Variants in AMMECR1 observed in about 807,000 individuals in gnomAD.
AMMECR1 encodes AMMECR nuclear protein 1, also known as nuclear protein AMMECR1.
In AMMECR1, 3 loss-of-function variants were observed where a neutral mutation model predicts 22.5. That is an observed-to-expected ratio of 0.13 (90% confidence interval 0.06 to 0.35). The LOEUF is 0.35. AMMECR1 is among the 10% of genes least tolerant of loss of function. AMMECR1 has a pLI of 1.00. For missense variants in AMMECR1, 235 were observed against 278.7 expected (o/e 0.84, Z 1.12); for synonymous variants, 130 against 116.7 (o/e 1.11, Z -0.74).
At chrX:110,422,581 G>T (rs1180474215) in intron 2 of AMMECR1, among the ~76,000 whole-genome samples, 2 of 112,567 alleles carry the variant, frequency 1.8e-5, no homozygotes, top group African/African-American at 6.5e-5. Flanking sequence ...ACACAAAGTG[G>T]TTTTCACATC....
At chrX:110,249,814 C>T (rs979201184) in intron 2 of AMMECR1, among the ~76,000 whole-genome samples, 1 of 111,385 alleles carries the variant, frequency 9.0e-6, no homozygotes, top group African/African-American at 3.3e-5. Context: ...GCGGAAGAAT[C>T]GCTTGAACCT....
chrX:110,245,301 T>C (rs745976557), intron 2 of AMMECR1, among the ~76,000 whole-genome samples: 5 of 112,383 alleles, frequency 4.4e-5, no homozygotes, highest in African/African-American at 1.6e-4. Context: ...ATGTCCTGCA[T>C]TCACAACTCT....
At chrX:110,204,773 T>A (rs941013518) in intron 3 of AMMECR1, among the ~76,000 whole-genome samples, 1 of 111,829 alleles carries the variant, frequency 8.9e-6, no homozygotes, top group Non-Finnish European at 1.9e-5. Flanking sequence ...AAGCTGTGTG[T>A]GTATGGATAC....
chrX:110,332,667 G>A, intron 2 of AMMECR1, among the ~76,000 whole-genome samples: 1 of 111,490 alleles, frequency 9.0e-6, no homozygotes. Context: ...TGCTTGCAAG[G>A]TCAAAATCAG....
intron 2 of AMMECR1, among the ~76,000 whole-genome samples, chrX:110,337,573 A>G (rs1205061091): frequency 9.0e-6 from 1 of 111,725 alleles, no homozygotes; most frequent in Non-Finnish European, 1.9e-5. Context: ...AATAAAGAGT[A>G]TTGGTGAGGA....
intron 2 of AMMECR1, among the ~76,000 whole-genome samples, chrX:110,331,356 G>T (rs2068120106): frequency 9.3e-6 from 1 of 107,123 alleles, no homozygotes; most frequent in Non-Finnish European, 1.9e-5. Context: ...GTTTCACATG[G>T]ATATCCCAAA....
chrX:110,439,887 T>G (rs1352104026), intron 1 of AMMECR1: 1 of 110,345 alleles, frequency 9.1e-6, no homozygotes, highest in Non-Finnish European at 1.9e-5. Flanking sequence ...GCCGGGTACT[T>G]ACAGGTGCAG....
intron 2 of AMMECR1, among the ~76,000 whole-genome samples, chrX:110,395,599 A>T (rs1382392475): frequency 8.9e-6 from 1 of 112,488 alleles, no homozygotes; most frequent in Non-Finnish European, 1.9e-5. Flanking sequence ...GCCGGGACTG[A>T]AATACAGGTC....
intron 1 of AMMECR1, among the ~76,000 whole-genome samples, chrX:110,435,946 C>T (rs1469250081): frequency 2.7e-5 from 3 of 112,308 alleles, no homozygotes; most frequent in Non-Finnish European, 5.6e-5. Context: ...AGGCAAAGAG[C>T]AAATCACAGA....
chrX:110,267,744 T>C (rs2067777312), intron 1 of AMMECR1, among the ~76,000 whole-genome samples: 1 of 112,040 alleles, frequency 8.9e-6, no homozygotes, highest in African/African-American at 3.3e-5. Flanking sequence ...TACTTTCTTA[T>C]TTATCCCAGG....
chrX:110,266,686 C>CT (rs1437198689), intron 1 of AMMECR1, among the ~76,000 whole-genome samples: 35 of 103,200 alleles, frequency 3.4e-4, no homozygotes, highest in Non-Finnish European at 3.8e-4. Context: ...CAGCCTGTCT[C>CT]TTTTTTTTTT....
chrX:110,439,485 A>G (rs2068863935), intron 1 of AMMECR1, among the ~76,000 whole-genome samples: 1 of 112,333 alleles, frequency 8.9e-6, no homozygotes, highest in Non-Finnish European at 1.9e-5. Context: ...AGCAAATTGC[A>G]GCATAAAAGA....
At chrX:110,216,875 C>G (rs1346059314) in intron 2 of AMMECR1, among the ~76,000 whole-genome samples, 1 of 111,066 alleles carries the variant, frequency 9.0e-6, no homozygotes, top group Non-Finnish European at 1.9e-5. Flanking sequence ...AGAGAATCAT[C>G]AATTACATTT....
rs376741175 is a variant in AMMECR1, at chrX:110,381,798, C to T, written c.-148+44860G>A. 3.9e-4 allele frequency among the ~76,000 whole-genome samples: 43 copies of T among 110,508 alleles called. No homozygotes were observed. In the East Asian group the frequency reaches 6.8e-3, roughly 18 times the overall value. ...CATGGATGCAGCTGAAGGCCATTAT[C>T]CTAAGCAAATTAATGCAAAAAAAAA... On this transcript the variant is annotated intron_variant, in intron 2 of 7. Coordinates refer to the AMMECR1 transcript ENST00000372057.
intron 1 of AMMECR1, among the ~76,000 whole-genome samples, chrX:110,272,381 C>T (rs756268128): frequency 2.7e-4 from 30 of 111,875 alleles, no homozygotes; most frequent in Non-Finnish European, 4.9e-4. Context: ...CAGTCAACTC[C>T]TATTTTTTAT....
chrX:110,194,481 G>T lies in AMMECR1; in HGVS notation c.*4039C>A, dbSNP rs2067361154. On this transcript the variant is annotated 3_prime_UTR_variant, in exon 6 of 6. Coordinates refer to ENST00000262844, the MANE Select transcript of AMMECR1 (RefSeq NM_015365.3). Reference sequence around the variant, plus strand: ...CGGTAATCAAAAAACAGGTTACTAAGAAAGAAGGAAAAGAGGAGCTACTCC... The same window carrying T: ...CGGTAATCAAAAAACAGGTTACTAATAAAGAAGGAAAAGAGGAGCTACTCC... 1 of 111,896 alleles carries T rather than the reference G, an allele frequency of 8.9e-6. No homozygotes were observed. The highest frequency in any genetic ancestry group is 3.2e-5 in the African/African-American group (1 of 30,797). 9.2% of individuals were successfully genotyped at this position (111,896 alleles called of 1,213,427 possible).
chrX:110,374,991 C>T (rs185858728), intron 2 of AMMECR1, among the ~76,000 whole-genome samples: 6 of 111,376 alleles, frequency 5.4e-5, no homozygotes, highest in Non-Finnish European at 9.4e-5. Context: ...GGCTAACTAA[C>T]CCAGGAAAGA....
intron 2 of AMMECR1, among the ~76,000 whole-genome samples, chrX:110,354,964 G>T (rs1240102625): frequency 1.8e-5 from 2 of 112,267 alleles, no homozygotes; most frequent in African/African-American, 3.2e-5. Flanking sequence ...GGCAACAAAA[G>T]CACAGACATA....
intron 1 of AMMECR1, among the ~76,000 whole-genome samples, chrX:110,428,831 G>A (rs772091746): frequency 2.7e-5 from 3 of 112,094 alleles, no homozygotes; most frequent in African/African-American, 9.7e-5. Flanking sequence ...GTGGAACCCC[G>A]TGTTAAAATA....
Sources: allele counts gnomAD v4.1 joint callset (sites outside exome capture counted in the v4.1 genomes callset), GRCh38; gene constraint gnomAD v4.1.1; transcripts MANE v1.5; gene names NCBI Gene and HGNC (gene_info 2026-07-23, HGNC 2026-07-21).